Variants in NR4A1 observed in about 807,000 individuals in gnomAD.
NR4A1 encodes the protein nuclear receptor subfamily 4 group A member 1.
Under a neutral mutation model 47.5 loss-of-function variants are expected in NR4A1, and 24 were observed. That is an observed-to-expected ratio of 0.50 (90% CI 0.37 to 0.71). The LOEUF is 0.71. Among genes scored for constraint, NR4A1 ranks in the 30% least tolerant of loss-of-function variants. NR4A1 has a pLI of 0.00. For missense variants in NR4A1, 669 were observed against 788.6 expected (o/e 0.85, Z 1.82); for synonymous variants, 353 against 345.7 (o/e 1.02, Z -0.24).
chr12:52,055,314 C>A, intron 2 of NR4A1, 110 bp downstream of exon 2: 1 of 1,437,442 alleles, frequency 7.0e-7, no homozygotes, highest in Non-Finnish European at 9.4e-7. Flanking sequence ...TAAGTCCTGT[C>A]CTGCAGGGTG....
At chr12:52,034,724 G>A (rs1221353990) in intron 1 of NR4A1, among the ~76,000 whole-genome samples, 1 of 152,194 alleles carries the variant, frequency 6.6e-6, no homozygotes, top group Non-Finnish European at 1.5e-5. Context: ...CATTTGTAAT[G>A]ACTAAGAAGC....
At chr12:52,033,099 A>C (rs1208581500) in intron 1 of NR4A1, among the ~76,000 whole-genome samples, 1 of 152,166 alleles carries the variant, frequency 6.6e-6, no homozygotes, top group East Asian at 1.9e-4. Context: ...CCGCCGGGTG[A>C]GGTAATGGAA....
intron 4 of NR4A1, 119 bp from the exon 5 acceptor site, chr12:52,056,938 A>G (rs997622784): frequency 2.0e-6 from 2 of 983,978 alleles, no homozygotes; most frequent in African/African-American, 3.3e-5. Context: ...GAGCCTGGGC[A>G]GGATCTCAGA....
chr12:52,057,216 G>A lies in NR4A1; in HGVS notation c.1318G>A (p.Glu440Lys). ...LSPADQDLLL[E>K]SAFLELFILR... Reference sequence around the variant, plus strand: ...ACCGGCTGACCAGGACCTGTTGCTGGAGTCGGCCTTCCTGGAGCTCTTCAT... The same window carrying A: ...ACCGGCTGACCAGGACCTGTTGCTGAAGTCGGCCTTCCTGGAGCTCTTCAT... The change falls in exon 5 of 7, where the codon GAG becomes AAG. Residue 440 changes from glutamate to lysine, a missense_variant. Coordinates refer to ENST00000394825, the MANE Select transcript of NR4A1 (RefSeq NM_173157.3). 3 of 1,614,016 alleles carry A rather than the reference G, an allele frequency of 1.9e-6. No homozygotes were observed. Among genetic ancestry groups the A allele is most frequent in the Non-Finnish European group, 2.5e-6 (3 of 1,179,916 alleles).
In NR4A1 at chr12:52,038,855, C is replaced by A. The variant is rs1042895631; in HGVS notation, c.-83-2955C>A. On this transcript the variant is annotated intron_variant, in intron 1 of 7. Transcript: ENST00000360284. ...AAGAAAGTCAGCTGAGGAGTTCAGG[C>A]CCTGTGCCTGGCTCAAAGGCCCAGG... The A allele has an allele frequency of 8.7e-6, 6 of 688,170 alleles. No individual in the cohort carries two copies. In the East Asian group the frequency reaches 1.3e-4, roughly 15 times the overall value. 42.6% of individuals were successfully genotyped at this position (688,170 alleles called of 1,614,324 possible).
chr12:52,052,681 G>T (rs758264654), intron 1 of NR4A1: 14 of 984,316 alleles, frequency 1.4e-5, no homozygotes, highest in Non-Finnish European at 1.7e-5. Flanking sequence ...GAACCTGCAT[G>T]AAGGGGGAGG....
intron 1 of NR4A1, among the ~76,000 whole-genome samples, chr12:52,023,318 G>A (rs1362262770): frequency 6.6e-6 from 1 of 151,660 alleles, no homozygotes; most frequent in East Asian, 2.0e-4. Flanking sequence ...CCCCGGGGCC[G>A]CGAGGCTGTG....
rs772959748 is a variant in NR4A1 at position 52,054,403 on chromosome 12, C to A, written c.75C>A (p.Pro25=). The A allele has an allele frequency of 6.2e-7, 1 of 1,613,812 alleles. No individual in the cohort carries two copies. The highest frequency in any genetic ancestry group is 1.7e-5 in the Admixed American group (1 of 60,026). ...PGPRDHLASD[P]LTPEFIKPTM... ...CCCGTGACCACCTGGCAAGCGACCCCCTGACCCCTGAGTTCATCAAGCCCA... is the reference window on the plus strand; with the variant it reads ...CCCGTGACCACCTGGCAAGCGACCCACTGACCCCTGAGTTCATCAAGCCCA... The change falls in exon 2 of 7, where the codon CCC becomes CCA. Residue 25 remains proline (P), a synonymous_variant. Coordinates refer to ENST00000394825, the MANE Select transcript of NR4A1 (RefSeq NM_173157.3).
intron 2 of NR4A1, chr12:52,043,947 C>A: frequency 7.8e-7 from 1 of 1,285,794 alleles, no homozygotes; most frequent in Non-Finnish European, 1.0e-6. Context: ...GGAATGGGAG[C>A]TGGGCTGTTT....
intron 1 of NR4A1, chr12:52,023,004 C>G (rs762657885): frequency 6.6e-6 from 1 of 152,268 alleles, no homozygotes; most frequent in African/African-American, 2.4e-5. Flanking sequence ...CAGCCCCTGT[C>G]GTCTGGCTGG....
intron 1 of NR4A1, among the ~76,000 whole-genome samples, chr12:52,033,044 G>A (rs945955681): frequency 2.0e-5 from 3 of 152,230 alleles, no homozygotes; most frequent in African/African-American, 7.2e-5. Flanking sequence ...GGGCGGCACC[G>A]TAGCCAATGG....
intron 2 of NR4A1, chr12:52,043,387 T>C (rs1265654450): frequency 5.0e-6 from 1 of 200,374 alleles, no homozygotes; most frequent in Non-Finnish European, 1.0e-5. Flanking sequence ...CAGAATTCCT[T>C]GTGTTTACCT....
rs749591411 is a variant in NR4A1 at position 52,052,300 on chromosome 12, TGTGTGAGAGA to T, written c.-3+734_-3+743del. On this transcript the variant is annotated intron_variant, in intron 1 of 6. Transcript: ENST00000394825. ...GTGTGTGTGTGTGTGTGTGTGTGTG[TGTGTGAGAGA>T]GAGAGAGAGAGAGAGAGAAAGAGAG... is the stretch of plus-strand genomic sequence containing the variant. Among the ~76,000 whole-genome samples, 18 of 135,666 alleles carry T rather than the reference TGTGTGAGAGA, an allele frequency of 1.3e-4. 1 individual carries two copies. The highest frequency in any genetic ancestry group is 1.6e-4 in the Non-Finnish European group (10 of 63,242). The allele number at this position is 135,666 out of a possible 152,430, so 89.0% of individuals were successfully genotyped here.
chr12:52,051,751 G>A (rs2120416413), intron 1 of NR4A1, among the ~76,000 whole-genome samples, 183 bp downstream of exon 1: 1 of 152,332 alleles, frequency 6.6e-6, no homozygotes, highest in South Asian at 2.1e-4. Flanking sequence ...CGGGGTAGGA[G>A]GTAGGGGAGG....
chr12:52,041,757 G>A, intron 1 of NR4A1: 1 of 1,261,036 alleles, frequency 7.9e-7, no homozygotes, highest in Middle Eastern at 2.0e-4. Context: ...TGTCTCCAGG[G>A]AATGTGCCTG....
upstream of NR4A1, among the ~76,000 whole-genome samples, chr12:52,047,642 C>T (rs1322950203): frequency 6.6e-6 from 1 of 152,248 alleles, no homozygotes; most frequent in East Asian, 1.9e-4. Context: ...TAACCTGCAG[C>T]AGCTTGGGGA....
chr12:52,045,107 C>T (rs1486483585), intron 2 of NR4A1, among the ~76,000 whole-genome samples: 1 of 152,188 alleles, frequency 6.6e-6, no homozygotes, highest in Non-Finnish European at 1.5e-5. Context: ...CTAGAATTCT[C>T]CCAGTGCTGG....
intron 2 of NR4A1, chr12:52,045,332 C>T (rs999984359): frequency 7.2e-6 from 2 of 277,720 alleles, no homozygotes; most frequent in Non-Finnish European, 1.5e-5. Context: ...CCGTTGCAGA[C>T]ATGAGTTCCA....
chr12:52,058,415 G>C (rs12369099), intron 6 of NR4A1: 45,642 of 486,104 alleles, frequency 0.094, 2,414 homozygotes, highest in African/African-American at 0.17. Flanking sequence ...GCCAGAAAAC[G>C]TAGGTTAGGA....
Sources: gnomAD v4.1 joint callset for allele counts (sites outside exome capture counted in the v4.1 genomes callset) on GRCh38, gnomAD v4.1.1 for gene constraint, MANE v1.5 for transcripts, NCBI Gene and HGNC (gene_info 2026-07-23, HGNC 2026-07-21) for gene names.